Variants in RBFOX1 observed in about 807,000 individuals in gnomAD.
RBFOX1 encodes the protein RNA binding fox-1 homolog 1, also known as RNA binding protein fox-1 homolog 1.
RBFOX1 carries 8 observed loss-of-function variants against 57.7 expected under a neutral mutation model. The ratio of observed to expected loss-of-function variants is 0.14; its 90% CI spans 0.08 to 0.25. The LOEUF is 0.25. RBFOX1 is among the 10% of genes least tolerant of loss of function. RBFOX1 has a pLI of 1.00. For missense variants in RBFOX1, 611 were observed against 548.5 expected (o/e 1.11, Z -1.14); for synonymous variants, 326 against 222.4 (o/e 1.47, Z -4.15).
intron 2 of RBFOX1, among the ~76,000 whole-genome samples, chr16:6,595,011 T>C (rs1240241949): frequency 2.0e-5 from 3 of 152,086 alleles, no homozygotes; most frequent in Admixed American, 6.6e-5. Flanking sequence ...CTGGTCTTGG[T>C]CTTCTGAGCT....
intron 4 of RBFOX1, among the ~76,000 whole-genome samples, chr16:7,300,946 G>A (rs7186437): frequency 0.044 from 6,741 of 152,264 alleles, 516 homozygotes; most frequent in African/African-American, 0.15. Context: ...ATGAACCCAT[G>A]TGATGTTGAA....
At chr16:6,511,942 C>T (rs910093398) in intron 2 of RBFOX1, among the ~76,000 whole-genome samples, 1 of 151,938 alleles carries the variant, frequency 6.6e-6, no homozygotes, top group Admixed American at 6.6e-5. Context: ...TATTTCATAA[C>T]AGCCAGGTCT....
intron 4 of RBFOX1, among the ~76,000 whole-genome samples, chr16:7,276,282 A>C (rs2095438483): frequency 6.6e-6 from 1 of 152,086 alleles, no homozygotes. Flanking sequence ...CACGCCCCAT[A>C]ATGTTCCTCT....
intron 2 of RBFOX1, among the ~76,000 whole-genome samples, chr16:5,516,216 C>A (rs189248662): frequency 1.6e-4 from 24 of 152,316 alleles, no homozygotes; most frequent in African/African-American, 5.5e-4. Context: ...AAAATCAGAT[C>A]AACTTATTTT....
intron 3 of RBFOX1, among the ~76,000 whole-genome samples, chr16:5,720,645 T>A (rs182776534): frequency 6.6e-6 from 1 of 152,320 alleles, no homozygotes; most frequent in Non-Finnish European, 1.5e-5. Context: ...CATTCTCTTG[T>A]GTGCAGTTAT....
intron 1 of RBFOX1, among the ~76,000 whole-genome samples, chr16:6,025,774 C>A (rs192246357): frequency 8.0e-4 from 122 of 152,322 alleles, no homozygotes; most frequent in Non-Finnish European, 1.5e-3. Flanking sequence ...AGAGGCTACC[C>A]TGCCCTTAGA....
intron 1 of RBFOX1, among the ~76,000 whole-genome samples, chr16:5,301,732 G>A (rs528191233): frequency 6.6e-6 from 1 of 151,750 alleles, no homozygotes; most frequent in South Asian, 2.1e-4. Flanking sequence ...CAGCTTGATT[G>A]CAGTCTTATA....
intron 2 of RBFOX1, among the ~76,000 whole-genome samples, chr16:6,524,227 T>C (rs1356123127): frequency 6.6e-6 from 1 of 152,172 alleles, no homozygotes; most frequent in Non-Finnish European, 1.5e-5. Flanking sequence ...ATCCCACAGA[T>C]TAGTGAGAAT....
Position 7,469,850 on chromosome 16 carries a change from C to T in RBFOX1, c.28-48297C>T, listed in dbSNP as rs554305308. Among the ~76,000 whole-genome samples, 96 of 152,228 alleles carry T rather than the reference C, an allele frequency of 6.3e-4. No individual in the cohort carries two copies. The Middle Eastern group carries it at 0.01, about 16-fold the overall frequency. On this transcript the variant is annotated intron_variant, in intron 4 of 15. Coordinates refer to ENST00000550418, the MANE Select transcript of RBFOX1 (RefSeq NM_018723.4). ...AAACACTAATTTCATCCGTCCTGCT[C>T]GCAGCCCCTGGCTACTTTCTACTTT... is the stretch of plus-strand genomic sequence containing the variant.
At chr16:5,630,434 G>A (rs2048470907) in intron 3 of RBFOX1, among the ~76,000 whole-genome samples, 1 of 151,980 alleles carries the variant, frequency 6.6e-6, no homozygotes, top group African/African-American at 2.4e-5. Context: ...TCCAGCCTGG[G>A]TGACAGAGTA....
At chr16:5,461,642 CT>C (rs2068791685) in intron 1 of RBFOX1, among the ~76,000 whole-genome samples, 1 of 152,150 alleles carries the variant, frequency 6.6e-6, no homozygotes, top group African/African-American at 2.4e-5. Context: ...AAGCCCGAGC[CT>C]TGTAATTATC....
chr16:7,111,625 G>C (rs1156951605), intron 4 of RBFOX1, among the ~76,000 whole-genome samples: 2 of 152,138 alleles, frequency 1.3e-5, no homozygotes, highest in Non-Finnish European at 2.9e-5. Context: ...AGTCTTAGGA[G>C]TAAATTACTA....
intron 3 of RBFOX1, among the ~76,000 whole-genome samples, chr16:6,810,366 C>G (rs542099691): frequency 6.6e-6 from 1 of 152,156 alleles, no homozygotes; most frequent in East Asian, 1.9e-4. Context: ...CTCTCCTTGT[C>G]CAAGTGGTGA....
intron 1 of RBFOX1, among the ~76,000 whole-genome samples, chr16:6,023,240 C>T (rs139855518): frequency 6.7e-6 from 1 of 148,206 alleles, no homozygotes; most frequent in South Asian, 2.2e-4. Flanking sequence ...CCACTCTGCC[C>T]TATTTTTCTT....
intron 2 of RBFOX1, among the ~76,000 whole-genome samples, chr16:6,492,133 C>T (rs201124194): frequency 2.0e-4 from 25 of 125,348 alleles, no homozygotes; most frequent in South Asian, 7.7e-4. Flanking sequence ...TGTGTGTGTG[C>T]GGGCGTGTGA....
intron 4 of RBFOX1, among the ~76,000 whole-genome samples, chr16:7,053,888 A>T (rs1010846818): frequency 6.6e-6 from 1 of 152,082 alleles, no homozygotes; most frequent in African/African-American, 2.4e-5. Context: ...TTATGTTTTG[A>T]ATTGATAGAT....
At chr16:6,398,969 T>C (rs2092953952) in intron 2 of RBFOX1, among the ~76,000 whole-genome samples, 1 of 152,194 alleles carries the variant, frequency 6.6e-6, no homozygotes, top group Admixed American at 6.5e-5. Context: ...GTAGCAGACT[T>C]TTGCCCGGAT....
At chr16:6,727,074 G>GC (rs2067380015) in intron 3 of RBFOX1, among the ~76,000 whole-genome samples, 1 of 148,032 alleles carries the variant, frequency 6.8e-6, no homozygotes, top group African/African-American at 2.5e-5. Flanking sequence ...CAGACACAGA[G>GC]AGAGACACAC....
chr16:6,521,952 G>C (rs764186194), intron 2 of RBFOX1, among the ~76,000 whole-genome samples: 7 of 152,106 alleles, frequency 4.6e-5, no homozygotes, highest in Non-Finnish European at 7.3e-5. Context: ...GCAGGGCTCA[G>C]GAATTAAAAG....
Sources: allele counts gnomAD v4.1 joint callset (sites outside exome capture counted in the v4.1 genomes callset), GRCh38; gene constraint gnomAD v4.1.1; transcripts MANE v1.5; gene names NCBI Gene and HGNC (gene_info 2026-07-23, HGNC 2026-07-21).